Variants in RUNX2 observed in about 807,000 individuals in gnomAD.
RUNX2 encodes the protein runt-related transcription factor 2.
In RUNX2, 10 loss-of-function variants were observed where a neutral mutation model predicts 51.7. The observed-to-expected ratio is 0.19, with a 90% CI of 0.12 to 0.33. RUNX2 has a LOEUF of 0.33. Among genes scored for constraint, RUNX2 ranks in the 10% least tolerant of loss-of-function variants. The pLI is 1.00. For missense variants in RUNX2, 562 were observed against 691.3 expected, an observed-to-expected ratio of 0.81 and a Z score of 2.10; for synonymous variants, 276 against 273.6, an observed-to-expected ratio of 1.01 and a Z score of -0.09.
chr6:45,455,606 C>CGTA (rs1799296673), intron 5 of RUNX2, among the ~76,000 whole-genome samples: 1 of 152,040 alleles, frequency 6.6e-6, no homozygotes, highest in Non-Finnish European at 1.5e-5. Context: ...GATTAGCACC[C>CGTA]GTAAAGGTCC....
intron 2 of RUNX2, among the ~76,000 whole-genome samples, chr6:45,341,146 T>TTATCC (rs1441260793): frequency 1.3e-5 from 2 of 152,184 alleles, no homozygotes; most frequent in Non-Finnish European, 2.9e-5. Context: ...TTAACCACAA[T>TTATCC]TATCCACATT....
chr6:45,413,429 C>CTT (rs67659911), intron 2 of RUNX2, among the ~76,000 whole-genome samples: 25 of 56,634 alleles, frequency 4.4e-4, no homozygotes, highest in Admixed American at 1.5e-3. Flanking sequence ...AAGATACATT[C>CTT]TTTTTTTTTT....
intron 7 of RUNX2, among the ~76,000 whole-genome samples, chr6:45,541,445 G>A (rs915808620): frequency 1.3e-5 from 2 of 152,196 alleles, no homozygotes; most frequent in Admixed American, 6.5e-5. Flanking sequence ...GTTACCAGGG[G>A]AGAGCAGCTC....
At chr6:45,372,650 C>G (rs1582001206) in intron 2 of RUNX2, among the ~76,000 whole-genome samples, 2 of 152,262 alleles carry the variant, frequency 1.3e-5, no homozygotes, top group Middle Eastern at 3.4e-3. Flanking sequence ...ACATACCATA[C>G]ACCAAACAGA....
chr6:45,330,592 C>T (rs1787273877), intron 2 of RUNX2, among the ~76,000 whole-genome samples: 1 of 152,000 alleles, frequency 6.6e-6, no homozygotes, highest in Admixed American at 6.6e-5. Flanking sequence ...TTAAAATTCT[C>T]ACAAAGAATA....
intron 5 of RUNX2, among the ~76,000 whole-genome samples, chr6:45,485,188 CTTTCTTTTTTTTTTTT>C (rs1800232347): frequency 6.8e-6 from 1 of 146,808 alleles, no homozygotes; most frequent in Non-Finnish European, 1.5e-5. Context: ...TCTTTTCTTT[CTTTCTTTTTTTTTTTT>C]TTTCTTTTTT....
Position 45,344,601 on chromosome 6 carries a change from A to T in RUNX2, c.58+15817A>T, listed in dbSNP as rs1194903114. 2.0e-5 allele frequency among the ~76,000 whole-genome samples: 3 copies of T among 152,206 alleles called. No homozygotes were observed. In the East Asian group the frequency reaches 5.8e-4, roughly 29 times the overall value. On this transcript the variant is annotated intron_variant, in intron 2 of 8. Coordinates refer to ENST00000647337, the MANE Select transcript of RUNX2 (RefSeq NM_001024630.4). ...ACAACAAAAACTATTAAGAGGCCAC[A>T]AAAAGCTATGCCTACCACAAATTTA...
chr6:45,536,259 C>A lies in RUNX2; in HGVS notation c.1022-8958C>A, dbSNP rs540940657. Among the ~76,000 whole-genome samples the A allele has an allele frequency of 4.6e-5, 7 of 152,162 alleles. No individual in the cohort carries two copies. The South Asian group carries it at 1.0e-3, about 23-fold the overall frequency. On this transcript the variant is annotated intron_variant, in intron 7 of 8. Transcript: ENST00000647337. ...GTCAGCCCAGGCCTCCAGTGGGGCA[C>A]AGGTAAGTGGCTGCATCTGACTGTA...
chr6:45,360,708 A>C (rs890359699), intron 2 of RUNX2, among the ~76,000 whole-genome samples: 3 of 152,198 alleles, frequency 2.0e-5, no homozygotes, highest in Non-Finnish European at 2.9e-5. Flanking sequence ...TCAGGAGAAG[A>C]AGCAAATCTT....
At chr6:45,538,126 T>C (rs1582221504) in intron 7 of RUNX2, among the ~76,000 whole-genome samples, 1 of 152,176 alleles carries the variant, frequency 6.6e-6, no homozygotes, top group Non-Finnish European at 1.5e-5. Flanking sequence ...ATATATAACA[T>C]CTCAACCAGT....
chr6:45,523,534 G>C (rs1043155027), intron 7 of RUNX2, among the ~76,000 whole-genome samples: 28 of 151,882 alleles, frequency 1.8e-4, no homozygotes, highest in African/African-American at 6.5e-4. Context: ...GCCTCCCAAA[G>C]TGCTGGGATT....
At chr6:45,348,868 C>T (rs1173675391) in intron 2 of RUNX2, among the ~76,000 whole-genome samples, 1 of 152,206 alleles carries the variant, frequency 6.6e-6, no homozygotes, top group South Asian at 2.1e-4. Flanking sequence ...CTTTGAGAGG[C>T]TTTAGTTCCC....
At chr6:45,416,770 C>T (rs1798076617) in intron 2 of RUNX2, among the ~76,000 whole-genome samples, 2 of 152,110 alleles carry the variant, frequency 1.3e-5, no homozygotes. Flanking sequence ...AAATATATAC[C>T]TCTTTAGTCA....
intron 2 of RUNX2, among the ~76,000 whole-genome samples, chr6:45,352,481 G>T (rs182667499): frequency 3.2e-4 from 49 of 150,842 alleles, no homozygotes; most frequent in African/African-American, 1.1e-3. Context: ...CTGGAGTCTG[G>T]TATGACAGCA....
intron 7 of RUNX2, among the ~76,000 whole-genome samples, chr6:45,514,051 TG>T (rs1801246120): frequency 2.0e-5 from 3 of 152,180 alleles, no homozygotes; most frequent in African/African-American, 7.2e-5. Context: ...TGGGGTCCCC[TG>T]GGGCTTCCAT....
chr6:45,524,929 G>A (rs1235195444), intron 7 of RUNX2, among the ~76,000 whole-genome samples: 2 of 152,158 alleles, frequency 1.3e-5, no homozygotes, highest in Admixed American at 1.3e-4. Flanking sequence ...TGGCCAAAAT[G>A]GTGAAACCTC....
chr6:45,415,114 T>C (rs932806359), intron 2 of RUNX2, among the ~76,000 whole-genome samples: 1 of 152,080 alleles, frequency 6.6e-6, no homozygotes, highest in African/African-American at 2.4e-5. Flanking sequence ...CCACTATGAA[T>C]AGGCATGTCT....
At chr6:45,377,904 T>C (rs1797049773) in intron 2 of RUNX2, 1 of 140,370 alleles carries the variant, frequency 7.1e-6, no homozygotes, top group Non-Finnish European at 1.5e-5. Flanking sequence ...GAGTGTGGAG[T>C]GTAGAAAGGG....
intron 6 of RUNX2, among the ~76,000 whole-genome samples, chr6:45,506,414 T>C (rs1255360577): frequency 6.6e-6 from 1 of 151,922 alleles, no homozygotes; most frequent in East Asian, 1.9e-4. Flanking sequence ...GAAATAAGAG[T>C]GGAGTCATCT....
Sources: gnomAD v4.1 joint callset for allele counts (sites outside exome capture counted in the v4.1 genomes callset) on GRCh38, gnomAD v4.1.1 for gene constraint, MANE v1.5 for transcripts, NCBI Gene and HGNC (gene_info 2026-07-23, HGNC 2026-07-21) for gene names.